API5: variants seen among roughly 807,000 people sequenced by gnomAD.
API5 encodes the protein apoptosis inhibitor 5, also known as FIF.
In API5, 6 loss-of-function variants were observed where a neutral mutation model predicts 71.9. That is an observed-to-expected ratio of 0.08 (90% CI 0.05 to 0.16). The LOEUF (loss-of-function observed/expected upper bound fraction) is 0.16, where lower values mean the gene tolerates loss of function less well. API5 is among the 10% of genes least tolerant of loss of function. The pLI is 1.00. For synonymous variants in API5, 189 were observed against 221.3 expected (o/e 0.85, Z 1.30); for missense variants, 332 against 612.8 (o/e 0.54, Z 4.84).
At chr11:43,318,181 TG>T (rs1292614680) in intron 1 of API5, among the ~76,000 whole-genome samples, 3 of 151,550 alleles carry the variant, frequency 2.0e-5, no homozygotes, top group Admixed American at 1.3e-4. Context: ...GGCTAATTTT[TG>T]TGTTTTAGTA....
intron 1 of API5, among the ~76,000 whole-genome samples, chr11:43,317,798 C>A (rs1171911376): frequency 6.6e-6 from 1 of 152,128 alleles, no homozygotes; most frequent in Non-Finnish European, 1.5e-5. Context: ...CTGCCTCAGC[C>A]TCCTGAGGAG....
chr11:43,315,371 G>A (rs1396251249), intron 1 of API5, among the ~76,000 whole-genome samples: 2 of 151,918 alleles, frequency 1.3e-5, no homozygotes, highest in Non-Finnish European at 2.9e-5. Flanking sequence ...ACGTCTCAAG[G>A]GTTAAATCCT....
At chr11:43,321,914 A>C in intron 4 of API5, 71 bp from the exon 5 acceptor site, 1 of 1,407,042 alleles carries the variant, frequency 7.1e-7, no homozygotes, top group Non-Finnish European at 9.6e-7. Context: ...AATACTATAA[A>C]TTGAGTTAAA....
chr11:43,330,782 C>T (rs1026001132), intron 11 of API5, among the ~76,000 whole-genome samples: 5 of 152,208 alleles, frequency 3.3e-5, no homozygotes, highest in Non-Finnish European at 7.3e-5. Context: ...TCCAGTAAAT[C>T]CCTGTTCTGC....
intron 13 of API5, among the ~76,000 whole-genome samples, chr11:43,336,891 C>G (rs975924201): frequency 2.0e-5 from 3 of 151,714 alleles, no homozygotes; most frequent in South Asian, 2.1e-4. Flanking sequence ...GCCTGTAGTC[C>G]CAGCTACTCT....
intron 1 of API5, among the ~76,000 whole-genome samples, chr11:43,312,485 C>A (rs1482599455): frequency 1.4e-3 from 1 of 740 alleles, no homozygotes; most frequent in Non-Finnish European, 3.0e-3. Context: ...TAATTCTTCT[C>A]ACGGAGCTTT....
At chr11:43,331,529 T>A (rs1855257621) in intron 11 of API5, among the ~76,000 whole-genome samples, 1 of 152,198 alleles carries the variant, frequency 6.6e-6, no homozygotes, top group South Asian at 2.1e-4. Flanking sequence ...GGAAGTGGAT[T>A]ATCACAAAGG....
At chr11:43,334,691 C>G (rs1365819128) in intron 11 of API5, among the ~76,000 whole-genome samples, 2 of 152,156 alleles carry the variant, frequency 1.3e-5, no homozygotes, top group Non-Finnish European at 2.9e-5. Flanking sequence ...CAAACATTTG[C>G]ATTCCTACCA....
At position 43,330,597 on chromosome 11, in the gene API5, G is replaced by C. The variant is rs142967698; in HGVS notation, c.1278+33G>C. Reference sequence around the variant, plus strand: ...TGTAATACCAAGTGACATTTCTGCAGTTACCATAAAATCATACATTTATTT... The same window carrying C: ...TGTAATACCAAGTGACATTTCTGCACTTACCATAAAATCATACATTTATTT... On this transcript the variant is annotated intron_variant, in intron 11 of 13. Transcript: ENST00000531273. The C allele has an allele frequency of 1.7e-5, 25 of 1,466,360 alleles. No homozygotes were observed. In the South Asian group the frequency reaches 2.3e-4, roughly 13 times the overall value. The allele number at this position is 1,466,360 out of a possible 1,614,324, so 90.8% of individuals were successfully genotyped here.
chr11:43,320,058 T>TG (rs1854817114), intron 2 of API5, among the ~76,000 whole-genome samples: 1 of 150,326 alleles, frequency 6.7e-6, no homozygotes, highest in Non-Finnish European at 1.5e-5. Flanking sequence ...TTTTTTTTTT[T>TG]TTTTTGAGAA....
chr11:43,326,027 A>G (rs5743234), intron 6 of API5, among the ~76,000 whole-genome samples: 1 of 152,186 alleles, frequency 6.6e-6, no homozygotes, highest in Non-Finnish European at 1.5e-5. Flanking sequence ...ACAATTTTTT[A>G]AGAGTTTTGA....
At chr11:43,318,926 C>A in intron 2 of API5, 125 bp downstream of exon 2, 1 of 916,392 alleles carries the variant, frequency 1.1e-6, no homozygotes, top group Non-Finnish European at 1.6e-6. Flanking sequence ...TCTGGCATGG[C>A]ATCACACCCA....
chr11:43,318,343 G>C, intron 1 of API5: 1 of 1,310,296 alleles, frequency 7.6e-7, no homozygotes, highest in Non-Finnish European at 1.0e-6. Flanking sequence ...ACAGTCACAT[G>C]GCCAGAGTTA....
intron 13 of API5, among the ~76,000 whole-genome samples, chr11:43,338,367 A>T (rs914143200): frequency 6.6e-6 from 1 of 152,196 alleles, no homozygotes. Flanking sequence ...TCATAAACAT[A>T]TACCCACGTT....
intron 11 of API5, among the ~76,000 whole-genome samples, chr11:43,332,622 A>G (rs918716948): frequency 1.3e-5 from 2 of 151,366 alleles, no homozygotes; most frequent in African/African-American, 4.9e-5. Context: ...GGGGTGTACT[A>G]CTCTCCCAGC....
At chr11:43,330,151 C>T in intron 10 of API5, 93 bp downstream of exon 10, 2 of 989,982 alleles carry the variant, frequency 2.0e-6, no homozygotes, top group South Asian at 1.5e-5. Flanking sequence ...CTTATCTCAC[C>T]TAATTTAACA....
At chr11:43,331,469 A>G (rs72898973) in intron 11 of API5, 2,739 of 206,454 alleles carry the variant, frequency 0.013, 25 homozygotes, top group Non-Finnish European at 0.019. Flanking sequence ...GTATTACAAT[A>G]AAGCTGCAGG....
At chr11:43,327,976 T>C (rs1325987494) in intron 8 of API5, 98 bp downstream of exon 8, 7 of 655,196 alleles carry the variant, frequency 1.1e-5, no homozygotes, top group Non-Finnish European at 1.7e-5. Context: ...TTTTGAAATT[T>C]CAATTAAACA....
chr11:43,319,206 C>T (rs1854780022), intron 2 of API5, among the ~76,000 whole-genome samples: 3 of 152,044 alleles, frequency 2.0e-5, no homozygotes, highest in African/African-American at 7.2e-5. Context: ...TTTTGCATGG[C>T]AGAAAAATGG....
Sources: allele counts gnomAD v4.1 joint callset (sites outside exome capture counted in the v4.1 genomes callset), GRCh38; gene constraint gnomAD v4.1.1; transcripts MANE v1.5; gene names NCBI Gene and HGNC (gene_info 2026-07-23, HGNC 2026-07-21).